The following SMOX variants were observed in gnomAD, a reference collection of about 807,000 sequenced individuals.
SMOX encodes spermine oxidase.
Under a neutral mutation model 51.0 loss-of-function variants are expected in SMOX, and 22 were observed. The observed-to-expected ratio is 0.43, with a 90% CI of 0.31 to 0.62. The LOEUF is 0.62. SMOX is among the 20% of genes least tolerant of loss of function. SMOX has a pLI of 0.10. For missense variants in SMOX, 566 were observed against 777.7 expected (o/e 0.73, Z 3.24); for synonymous variants, 282 against 307.8 (o/e 0.92, Z 0.88).
At position 4,177,853 on chromosome 20, in the gene SMOX, C is replaced by T. The variant is rs1034701981; in HGVS notation, c.435+276C>T. ...TGGAATTTATGTATATAACTCTACA[C>T]AAAAAATGAGAATTTTGTCTTTTTT... On this transcript the variant is annotated intron_variant, in intron 3 of 6. Transcript: ENST00000305958. The surrounding 1 kb of genome is among the most constrained non-coding windows in gnomAD (Gnocchi z 4.3). Among the ~76,000 whole-genome samples the T allele has an allele frequency of 6.6e-6, 1 of 152,078 alleles. No homozygotes were observed. The highest frequency in any genetic ancestry group is 6.5e-5 in the Admixed American group (1 of 15,268).
chr20:4,186,824 G>A (rs760704666), intron 6 of SMOX: 7 of 780,638 alleles, frequency 9.0e-6, no homozygotes, highest in Non-Finnish European at 1.4e-5. Context: ...TAACAGGGGC[G>A]CCGTAAAGGT....
chr20:4,187,204 G>C lies in SMOX; in HGVS notation c.1531-66G>C. 1 of 1,543,400 alleles carries C rather than the reference G, an allele frequency of 6.5e-7. No individual in the cohort carries two copies. The highest frequency in any genetic ancestry group is 1.2e-5 in the South Asian group (1 of 81,532). On this transcript the variant is annotated intron_variant, in intron 6 of 6. Transcript: ENST00000305958. The surrounding 1 kb of genome is among the most constrained non-coding windows in gnomAD (Gnocchi z 4.8). Reference sequence around the variant, plus strand: ...GGGATGGGAGGTTCTGGTGGAGAGGGGTGGCCTTGTGGCCTTCTGGCCTTT... The same window carrying C: ...GGGATGGGAGGTTCTGGTGGAGAGGCGTGGCCTTGTGGCCTTCTGGCCTTT...
intron 1 of SMOX, among the ~76,000 whole-genome samples, chr20:4,151,151 A>T: frequency 6.6e-6 from 1 of 152,060 alleles, no homozygotes; most frequent in East Asian, 1.9e-4. Flanking sequence ...ACTTTTAAAG[A>T]TGGGAAACCA....
chr20:4,154,546 AG>A (rs1985913387), intron 1 of SMOX, among the ~76,000 whole-genome samples: 2 of 152,038 alleles, frequency 1.3e-5, no homozygotes, highest in Non-Finnish European at 2.9e-5. Flanking sequence ...CATCTTTAGT[AG>A]AGACAGGGTT....
chr20:4,161,487 AG>A (rs1600802278), intron 1 of SMOX, among the ~76,000 whole-genome samples: 2 of 152,312 alleles, frequency 1.3e-5, no homozygotes, highest in East Asian at 1.9e-4. Flanking sequence ...TGAAGGGCAA[AG>A]ATGATGACCA....
rs968517783 is a variant in SMOX, at chr20:4,148,853, G to T, written c.-151G>T. The T allele has an allele frequency of 6.5e-6, 1 of 152,698 alleles. No homozygotes were observed. Among genetic ancestry groups the T allele is most frequent in the African/African-American group, 2.4e-5 (1 of 41,420 alleles). The allele number at this position is 152,698 out of a possible 1,614,324, so 9.5% of individuals were successfully genotyped here. On this transcript the variant is annotated 5_prime_UTR_variant, in exon 1 of 7. Coordinates refer to ENST00000305958, the MANE Select transcript of SMOX (RefSeq NM_175839.3). Reference sequence around the variant, plus strand: ...ACACAGGCCGCGGCGGCTGGCTCGGGCCCCTACGGTCCCGGCGGCGGCTGG... The same window carrying T: ...ACACAGGCCGCGGCGGCTGGCTCGGTCCCCTACGGTCCCGGCGGCGGCTGG...
chr20:4,185,913 A>G (rs1220828803), intron 6 of SMOX, among the ~76,000 whole-genome samples: 1 of 146,312 alleles, frequency 6.8e-6, no homozygotes. Flanking sequence ...CCAAAAAACA[A>G]CAACCCCTGG....
chr20:4,183,133 A>G lies in SMOX; in HGVS notation c.1369+285A>G, dbSNP rs757957715. 3.1e-3 allele frequency: 1,827 copies of G among 581,674 alleles called. 36 individuals are homozygous for G. The highest frequency in any genetic ancestry group is 0.011 in the Middle Eastern group (24 of 2,188). 36.0% of individuals were successfully genotyped at this position (581,674 alleles called of 1,614,324 possible). A position where few individuals can be genotyped will look rare whatever the true frequency, so the allele number is the denominator to read the frequency against. The stretch of plus-strand genomic sequence containing the variant: ...CCGCCCATTGTGCTCTGTTGCTAAG[A>G]GCTGGATTTGCCTTTTACTCTCTGA... On this transcript the variant is annotated intron_variant, in intron 5 of 6. Coordinates refer to ENST00000305958, the MANE Select transcript of SMOX (RefSeq NM_175839.3). This position sits in a 1 kb window ranked among gnomAD's most constrained non-coding sequence, Gnocchi z 4.3.
In SMOX at chr20:4,153,522, G is replaced by A. The variant is rs1456435970; in HGVS notation, c.-27+4545G>A. Among the ~76,000 whole-genome samples the A allele has an allele frequency of 6.6e-6, 1 of 152,116 alleles. No homozygotes were observed. Among genetic ancestry groups the A allele is most frequent in the East Asian group, 1.9e-4 (1 of 5,178 alleles). On this transcript the variant is annotated intron_variant, in intron 1 of 6. Transcript: ENST00000305958. The surrounding 1 kb of genome is among the most constrained non-coding windows in gnomAD (Gnocchi z 4.4). ...AGGATGACTCTAGGCAGGTGACCTG[G>A]CCTCCCAGGGACCTGGCTGGCTGGC...
intron 1 of SMOX, among the ~76,000 whole-genome samples, chr20:4,156,433 G>A (rs1986023133): frequency 6.6e-6 from 1 of 152,110 alleles, no homozygotes; most frequent in Non-Finnish European, 1.5e-5. Flanking sequence ...CCCCTCTGAG[G>A]CCTCAGTTTC....
At chr20:4,171,790 C>T (rs946415356) in intron 1 of SMOX, 1 of 152,258 alleles carries the variant, frequency 6.6e-6, no homozygotes. Context: ...CAAAGACAGT[C>T]TGCTCATGAT....
At position 4,172,296 on chromosome 20, in the gene SMOX, CT is replaced by C. The variant is rs1383905920; in HGVS notation, c.-26-2733del. ...GTCCCCGTCGCAGCTGGCGCGGCCC[CT>C]CCGGAGCACGCCGCGTGTTTACCGA... On this transcript the variant is annotated intron_variant, in intron 1 of 6. Coordinates refer to ENST00000305958, the MANE Select transcript of SMOX (RefSeq NM_175839.3). This position sits in a 1 kb window ranked among gnomAD's most constrained non-coding sequence, Gnocchi z 7.7. Among the ~76,000 whole-genome samples the C allele has an allele frequency of 6.6e-6, 1 of 152,186 alleles. No homozygotes were observed. Among genetic ancestry groups the C allele is most frequent in the Non-Finnish European group, 1.5e-5 (1 of 68,028 alleles).
chr20:4,153,342 T>C lies in SMOX; in HGVS notation c.-27+4365T>C, dbSNP rs977746986. Among the ~76,000 whole-genome samples the C allele has an allele frequency of 1.4e-4, 21 of 152,002 alleles. No homozygotes were observed. Among genetic ancestry groups the C allele is most frequent in the African/African-American group, 4.6e-4 (19 of 41,446 alleles). Reference sequence around the variant, plus strand: ...AATGGGATTAGAGGGACTTTTTTTCTTTGCTCCCTGGAGGTCACATGCTTG... The same window carrying C: ...AATGGGATTAGAGGGACTTTTTTTCCTTGCTCCCTGGAGGTCACATGCTTG... On this transcript the variant is annotated intron_variant, in intron 1 of 6. Coordinates refer to ENST00000305958, the MANE Select transcript of SMOX (RefSeq NM_175839.3). The surrounding 1 kb of genome is among the most constrained non-coding windows in gnomAD (Gnocchi z 4.4).
chr20:4,184,914 G>T (rs976200701), intron 6 of SMOX, among the ~76,000 whole-genome samples: 3 of 152,208 alleles, frequency 2.0e-5, no homozygotes, highest in African/African-American at 7.2e-5. Context: ...TTAGCACCTG[G>T]CTCTCATCTT....
rs1978971715 is a variant in SMOX at position 4,177,563 on chromosome 20, G to A, written c.421G>A (p.Asp141Asn). 1.9e-6 allele frequency: 3 copies of A among 1,589,306 alleles called. No homozygotes were observed. Among genetic ancestry groups the A allele is most frequent in the Admixed American group, 1.8e-5 (1 of 56,346 alleles). The change falls in exon 3 of 7, where the codon GAT (aspartate) becomes AAT (asparagine). Residue 141 changes from aspartate (D) to asparagine (N), a missense_variant. Transcript: ENST00000305958. This position sits in a 1 kb window ranked among gnomAD's most constrained non-coding sequence, Gnocchi z 4.3. ...IPKDVVEEFS[D>N]LYNEVYNLTQ... is the part of the protein sequence containing the mutation. ...CAAGGACGTGGTTGAGGAATTCAGC[G>A]ATTTATACAACGAGGTAAGGTGTGA... is the stretch of plus-strand genomic sequence containing the variant.
chr20:4,158,315 C>G lies in SMOX; in HGVS notation c.-27+9338C>G, dbSNP rs150453679. 2.1e-3 allele frequency among the ~76,000 whole-genome samples: 320 copies of G among 152,270 alleles called. 1 individual carries two copies. Among genetic ancestry groups the G allele is most frequent in the Non-Finnish European group, 3.6e-3 (247 of 68,022 alleles). ...ATGCTCAGTGGATTTTCCTACCCAG[C>G]CCTAGCTCCCCTCTCTTGTCCTCCT... On this transcript the variant is annotated intron_variant, in intron 1 of 6. Coordinates refer to ENST00000305958, the MANE Select transcript of SMOX (RefSeq NM_175839.3).
intron 1 of SMOX, among the ~76,000 whole-genome samples, chr20:4,161,398 C>G (rs143686547): frequency 6.6e-6 from 1 of 152,284 alleles, no homozygotes; most frequent in South Asian, 2.1e-4. Context: ...ATAATCAGAC[C>G]CCTGGGCTGA....
Position 4,158,179 on chromosome 20 carries a change from T to C in SMOX, c.-27+9202T>C, listed in dbSNP as rs373101996. On this transcript the variant is annotated intron_variant, in intron 1 of 6. Coordinates refer to ENST00000305958, the MANE Select transcript of SMOX (RefSeq NM_175839.3). Reference sequence around the variant, plus strand: ...CCTCCCAAAGTGCTGGGATGACAGGTGTGAGCCACAGCGCCGGTCGGGGTG... The same window carrying C: ...CCTCCCAAAGTGCTGGGATGACAGGCGTGAGCCACAGCGCCGGTCGGGGTG... Among the ~76,000 whole-genome samples the C allele has an allele frequency of 6.4e-4, 97 of 152,158 alleles. No individual in the cohort carries two copies. The Middle Eastern group carries it at 0.014, about 21-fold the overall frequency.
At position 4,183,732 on chromosome 20, in the gene SMOX, T is replaced by C. The variant is rs1433771229; in HGVS notation, c.1530+78T>C. The C allele has an allele frequency of 2.0e-6, 3 of 1,475,166 alleles. No individual in the cohort carries two copies. Among genetic ancestry groups the C allele is most frequent in the Non-Finnish European group, 2.7e-6 (3 of 1,119,156 alleles). 91.4% of individuals were successfully genotyped at this position (1,475,166 alleles called of 1,614,324 possible). The stretch of plus-strand genomic sequence containing the variant: ...GTGTCCGGTCCAGGGTGAGGAGGGC[T>C]AGGGTAGTGTTCACTAAGGGGTGCT... On this transcript the variant is annotated intron_variant, in intron 6 of 6. Coordinates refer to ENST00000305958, the MANE Select transcript of SMOX (RefSeq NM_175839.3). The surrounding 1 kb of genome is among the most constrained non-coding windows in gnomAD (Gnocchi z 4.3).
Sources: gnomAD v4.1 joint callset for allele counts (sites outside exome capture counted in the v4.1 genomes callset) on GRCh38, gnomAD v4.1.1 for gene constraint, Gnocchi (gnomAD v3.1) non-coding constraint, MANE v1.5 for transcripts, NCBI Gene and HGNC (gene_info 2026-07-23, HGNC 2026-07-21) for gene names.